Variants in ADGRV1 observed in about 807,000 individuals in gnomAD.
ADGRV1 encodes the protein G-protein coupled receptor 98.
ADGRV1 carries 359 observed loss-of-function variants against 596.2 expected under a neutral mutation model. The observed-to-expected ratio is 0.60, with a 90% CI of 0.55 to 0.66. ADGRV1 has a LOEUF of 0.66. Among genes scored for constraint, ADGRV1 ranks in the 30% least tolerant of loss-of-function variants. The probability of loss-of-function intolerance (pLI) is 0.00; values close to 1 mark genes in which losing one functional copy is unlikely to be tolerated. For synonymous variants in ADGRV1, 2,681 were observed against 2,679.2 expected (o/e 1.00, Z -0.02); for missense variants, 7,274 against 7,575.6 (o/e 0.96, Z 1.48).
Position 90,653,220 on chromosome 5 carries a change from G to A in ADGRV1, c.3646G>A (p.Gly1216Ser). ...TTTTCTTGTTACAGGTGGATCCCCA[G>A]GTCCTGGGGGCCAGCTAGCAGAAAC... ...KLVNISGGSP[G>S]PGGQLAETNL... Residue 1216 changes from glycine (G) to serine (S), a missense_variant, in exon 20 of 90, where the codon GGT becomes AGT. Physicochemically the swap from Gly to Ser is moderately conservative, Grantham distance 56. Transcript: ENST00000405460. The A allele has an allele frequency of 6.2e-7, 1 of 1,608,072 alleles. No individual in the cohort carries two copies. The highest frequency in any genetic ancestry group is 8.5e-7 in the Non-Finnish European group (1 of 1,176,030).
chr5:91,032,127 T>C (rs1022023968), intron 85 of ADGRV1, among the ~76,000 whole-genome samples: 1 of 152,144 alleles, frequency 6.6e-6, no homozygotes, highest in East Asian at 1.9e-4. Context: ...CATGTGAGCA[T>C]CCCGGAAGTA....
chr5:90,873,057 G>T lies in ADGRV1; in HGVS notation c.17856+9200G>T, dbSNP rs1768859496. 3.9e-5 allele frequency among the ~76,000 whole-genome samples: 6 copies of T among 152,298 alleles called. No homozygotes were observed. In the South Asian group the frequency reaches 1.2e-3, roughly 32 times the overall value. ...CTGAGCTTTATCTGCTTGCTGTACA[G>T]CAGAGTGCCTTTTATGTAGTTGCCT... On this transcript the variant is annotated intron_variant, in intron 83 of 89. Coordinates refer to ENST00000405460, the MANE Select transcript of ADGRV1 (RefSeq NM_032119.4).
At chr5:90,644,303 G>T (rs999691477) in intron 14 of ADGRV1, among the ~76,000 whole-genome samples, 1 of 152,156 alleles carries the variant, frequency 6.6e-6, no homozygotes, top group South Asian at 2.1e-4. Flanking sequence ...CTGTTGAGGT[G>T]ACTGGAAATG....
intron 1 of ADGRV1, 75 bp from the exon 2 acceptor site, chr5:90,614,760 A>G (rs1293899746): frequency 1.9e-6 from 2 of 1,074,902 alleles, no homozygotes; most frequent in African/African-American, 1.6e-5. Flanking sequence ...CTATGTTTAT[A>G]TCTATAGACA....
intron 85 of ADGRV1, among the ~76,000 whole-genome samples, chr5:91,049,141 A>G (rs1000660386): frequency 2.6e-5 from 4 of 152,238 alleles, no homozygotes; most frequent in African/African-American, 9.6e-5. Context: ...TATCTTAAAA[A>G]GTGATATGGT....
At chr5:90,986,193 A>T (rs74911922) in intron 85 of ADGRV1, among the ~76,000 whole-genome samples, 2 of 150,486 alleles carry the variant, frequency 1.3e-5, no homozygotes, top group South Asian at 4.2e-4. Context: ...TAATAGCTCC[A>T]CATGTAGGGG....
chr5:90,996,775 G>A (rs913241305), intron 85 of ADGRV1, among the ~76,000 whole-genome samples: 3 of 152,236 alleles, frequency 2.0e-5, no homozygotes, highest in Non-Finnish European at 1.5e-5. Context: ...CAGGGTCAGA[G>A]CTGACCAAGG....
At chr5:90,949,961 T>A (rs1776919617) in intron 83 of ADGRV1, among the ~76,000 whole-genome samples, 1 of 152,196 alleles carries the variant, frequency 6.6e-6, no homozygotes, top group Non-Finnish European at 1.5e-5. Context: ...ATTTCCAGAA[T>A]AATGCATGTT....
At chr5:90,596,556 G>A (rs1760649139) in intron 1 of ADGRV1, among the ~76,000 whole-genome samples, 1 of 152,152 alleles carries the variant, frequency 6.6e-6, no homozygotes, top group African/African-American at 2.4e-5. Context: ...GGGAGGCAGA[G>A]GCTGGCGGAT....
rs771682058 is a variant in ADGRV1 at position 90,716,696 on chromosome 5, C to G, written c.9414C>G (p.Gly3138=). 1 of 1,612,366 alleles carries G rather than the reference C, an allele frequency of 6.2e-7. No individual in the cohort carries two copies. The change falls in exon 43 of 90, where the codon GGC becomes GGG. Residue 3138 remains glycine, a synonymous_variant. Transcript: ENST00000405460. ...NESKDLTPSK[G]YIVLEEGVRF... ...CTAAAGATCTGACTCCTTCCAAAGG[C>G]TATATTGTTTTAGAAGAAGGTGTTC...
At chr5:90,704,081 A>G (rs1748268739) in intron 35 of ADGRV1, among the ~76,000 whole-genome samples, 1 of 151,978 alleles carries the variant, frequency 6.6e-6, no homozygotes, top group African/African-American at 2.4e-5. Context: ...AGTTTTTTCT[A>G]CTCACCATTG....
chr5:90,901,865 GT>G (rs1222573906), intron 83 of ADGRV1, among the ~76,000 whole-genome samples: 7 of 152,032 alleles, frequency 4.6e-5, no homozygotes, highest in Non-Finnish European at 8.8e-5. Flanking sequence ...TATTCTAAGT[GT>G]TCTAAGTGTG....
At position 90,660,607 on chromosome 5, in the gene ADGRV1, C is replaced by T. The variant is rs182856799; in HGVS notation, c.4752+2329C>T. Among the ~76,000 whole-genome samples, 19 of 152,246 alleles carry T rather than the reference C, an allele frequency of 1.2e-4. No individual in the cohort carries two copies. In the East Asian group the frequency reaches 2.9e-3, roughly 23 times the overall value. Reference sequence around the variant, plus strand: ...ACTCTGGGCTGGGCACAGTGGCTCACGCCTGTAATTCCAGCACTTTGGGAA... The same window carrying T: ...ACTCTGGGCTGGGCACAGTGGCTCATGCCTGTAATTCCAGCACTTTGGGAA... On this transcript the variant is annotated intron_variant, in intron 21 of 89. Coordinates refer to ENST00000405460, the MANE Select transcript of ADGRV1 (RefSeq NM_032119.4).
At chr5:90,596,133 G>C (rs1182825957) in intron 1 of ADGRV1, among the ~76,000 whole-genome samples, 1 of 143,100 alleles carries the variant, frequency 7.0e-6, no homozygotes, top group Non-Finnish European at 1.5e-5. Context: ...GGGCAGAGGC[G>C]CTCCTCACAT....
chr5:90,812,655 T>C (rs1394794350), intron 74 of ADGRV1, among the ~76,000 whole-genome samples: 6 of 152,230 alleles, frequency 3.9e-5, no homozygotes, highest in Non-Finnish European at 8.8e-5. Flanking sequence ...TGCAATCTTT[T>C]AACTTCCTTT....
intron 2 of ADGRV1, among the ~76,000 whole-genome samples, chr5:90,616,133 G>T (rs1414751193): frequency 6.6e-6 from 1 of 151,888 alleles, no homozygotes; most frequent in Non-Finnish European, 1.5e-5. Context: ...AACTTACTTG[G>T]ATTTCTCAAG....
chr5:91,091,758 G>A (rs1369807665), intron 86 of ADGRV1: 1 of 151,954 alleles, frequency 6.6e-6, no homozygotes, highest in East Asian at 2.0e-4. Context: ...GCAGAAGAAG[G>A]AATGTTCCAG....
intron 77 of ADGRV1, among the ~76,000 whole-genome samples, chr5:90,836,244 T>A (rs1581268367): frequency 6.6e-6 from 1 of 152,326 alleles, no homozygotes; most frequent in East Asian, 1.9e-4. Context: ...TTATTCCTGA[T>A]AAATGAAAAC....
chr5:90,854,546 G>C (rs945109084), intron 81 of ADGRV1, among the ~76,000 whole-genome samples: 4 of 152,140 alleles, frequency 2.6e-5, no homozygotes, highest in African/African-American at 9.7e-5. Context: ...TTCCATCTGG[G>C]CTTGTGGTTC....
Sources: allele counts gnomAD v4.1 joint callset (sites outside exome capture counted in the v4.1 genomes callset), GRCh38; gene constraint gnomAD v4.1.1; transcripts MANE v1.5; gene names NCBI Gene and HGNC (gene_info 2026-07-23, HGNC 2026-07-21).